NTN1: variants seen among roughly 807,000 people sequenced by gnomAD.
NTN1 encodes netrin 1.
Under a neutral mutation model 54.2 loss-of-function variants are expected in NTN1, and 11 were observed. The ratio of observed to expected loss-of-function variants is 0.20; its 90% CI spans 0.13 to 0.34. NTN1 has a LOEUF of 0.34. NTN1 is among the 10% of genes least tolerant of loss of function. The probability of loss-of-function intolerance (pLI) is 1.00; values close to 1 mark genes in which losing one functional copy is unlikely to be tolerated. For synonymous variants in NTN1, 371 were observed against 382.0 expected (o/e 0.97, Z 0.33); for missense variants, 740 against 893.1 (o/e 0.83, Z 2.18).
chr17:9,208,373 T>C (rs903010460), intron 5 of NTN1, among the ~76,000 whole-genome samples: 1 of 152,186 alleles, frequency 6.6e-6, no homozygotes, highest in Non-Finnish European at 1.5e-5. Context: ...GCAGCTTTGG[T>C]GTCTCACAGA....
intron 2 of NTN1, among the ~76,000 whole-genome samples, chr17:9,118,411 G>A (rs955918588): frequency 6.6e-5 from 10 of 152,112 alleles, no homozygotes; most frequent in East Asian, 1.9e-4. Context: ...CCAGCTATCC[G>A]GGAGGCTGAG....
intron 6 of NTN1, among the ~76,000 whole-genome samples, chr17:9,230,220 T>C (rs573590701): frequency 5.0e-4 from 76 of 152,220 alleles, no homozygotes; most frequent in African/African-American, 1.5e-3. Context: ...GCAGAGATGT[T>C]AGAGGAGCAC....
At chr17:9,011,275 G>C in the NTN1 span, among the ~76,000 whole-genome samples, 1 of 152,162 alleles carries the variant, frequency 6.6e-6, no homozygotes, top group East Asian at 1.9e-4. Context: ...TCCTGGTCTG[G>C]GGGTTAGGGA....
chr17:9,110,931 CT>C (rs34319949), intron 2 of NTN1, among the ~76,000 whole-genome samples: 16,619 of 103,872 alleles, frequency 0.16, 772 homozygotes, highest in African/African-American at 0.29. Flanking sequence ...AATTCAGGAT[CT>C]TTTTTTTTTT....
intron 2 of NTN1, among the ~76,000 whole-genome samples, chr17:9,056,914 G>A (rs1003455063): frequency 5.9e-5 from 9 of 152,170 alleles, no homozygotes; most frequent in Non-Finnish European, 1.3e-4. Context: ...AGATAGTAAA[G>A]ACAACGCCTT....
chr17:9,093,966 CCT>C (rs1327160976), intron 2 of NTN1, among the ~76,000 whole-genome samples: 1 of 151,678 alleles, frequency 6.6e-6, no homozygotes. Context: ...AGAGCGAGAC[CCT>C]GTCTCAAAAA....
At chr17:9,138,549 T>A (rs7206923) in intron 2 of NTN1, among the ~76,000 whole-genome samples, 2,242 of 152,258 alleles carry the variant, frequency 0.015, 57 homozygotes, top group African/African-American at 0.05. Flanking sequence ...GGATGGGAGA[T>A]GGAAGCCAGA....
chr17:9,049,362 T>A (rs2091952168), intron 2 of NTN1, among the ~76,000 whole-genome samples: 1 of 151,948 alleles, frequency 6.6e-6, no homozygotes. Flanking sequence ...AACCAACTGA[T>A]CAGAATTAAC....
intron 6 of NTN1, among the ~76,000 whole-genome samples, chr17:9,231,030 G>A (rs1905791627): frequency 6.6e-6 from 1 of 152,142 alleles, no homozygotes; most frequent in African/African-American, 2.4e-5. Flanking sequence ...CACCAGGCGG[G>A]AAAGGCTAGT....
chr17:9,013,220 T>TTC, the NTN1 span, among the ~76,000 whole-genome samples: 2 of 146,028 alleles, frequency 1.4e-5, no homozygotes, highest in African/African-American at 5.2e-5. Context: ...CTTTTTCTTT[T>TTC]TTTTTTTTTT....
At chr17:9,065,354 G>T (rs892038270) in intron 2 of NTN1, among the ~76,000 whole-genome samples, 6 of 152,078 alleles carry the variant, frequency 3.9e-5, no homozygotes, top group Non-Finnish European at 7.4e-5. Context: ...CTGGTTTCCT[G>T]CCCACACTGT....
At chr17:9,157,375 TG>T (rs1567724234) in intron 2 of NTN1, among the ~76,000 whole-genome samples, 2 of 152,082 alleles carry the variant, frequency 1.3e-5, no homozygotes, top group African/African-American at 2.4e-5. Flanking sequence ...TGACCTGACC[TG>T]GGGAGTGGGA....
intron 2 of NTN1, among the ~76,000 whole-genome samples, chr17:9,024,549 AAC>A (rs1229233825): frequency 2.0e-5 from 3 of 152,322 alleles, no homozygotes; most frequent in Non-Finnish European, 2.9e-5. Context: ...GGTCCCCACA[AAC>A]ACACGTTTTG....
chr17:9,147,346 A>C (rs1360794553), intron 2 of NTN1, among the ~76,000 whole-genome samples: 1 of 152,206 alleles, frequency 6.6e-6, no homozygotes, highest in Non-Finnish European at 1.5e-5. Context: ...TCTACTAAAA[A>C]TACAAAATAA....
chr17:9,105,660 T>TTCTCTCTCTCTCTCTC (rs72039051), intron 2 of NTN1, among the ~76,000 whole-genome samples: 1 of 142,000 alleles, frequency 7.0e-6, no homozygotes, highest in Non-Finnish European at 1.6e-5. Flanking sequence ...CTCTCTCTCT[T>TTCTCTCTCTCTCTCTC]TCTCTCTCTC....
At chr17:9,100,329 G>A (rs9989462) in intron 2 of NTN1, among the ~76,000 whole-genome samples, 80,876 of 151,790 alleles carry the variant, frequency 0.53, 22,294 homozygotes, top group East Asian at 0.96. Context: ...ACAGAGTCTC[G>A]CGCTGTTGCC....
intron 5 of NTN1, among the ~76,000 whole-genome samples, chr17:9,189,508 C>T (rs547894239): frequency 2.3e-4 from 35 of 152,194 alleles, no homozygotes; most frequent in Non-Finnish European, 2.6e-4. Flanking sequence ...CGTGCCACTA[C>T]GCCTGGCTAA....
At chr17:9,207,309 A>G (rs1177151782) in intron 5 of NTN1, among the ~76,000 whole-genome samples, 1 of 152,214 alleles carries the variant, frequency 6.6e-6, no homozygotes, top group Non-Finnish European at 1.5e-5. Flanking sequence ...TGAATCAAGG[A>G]CATACTTGAG....
At chr17:9,123,374 T>C (rs995036179) in intron 2 of NTN1, among the ~76,000 whole-genome samples, 2 of 152,244 alleles carry the variant, frequency 1.3e-5, no homozygotes, top group African/African-American at 4.8e-5. Flanking sequence ...ACTCCTTACA[T>C]ATGAAAGATA....
Sources: allele counts gnomAD v4.1 joint callset (sites outside exome capture counted in the v4.1 genomes callset), GRCh38; gene constraint gnomAD v4.1.1; transcripts MANE v1.5; gene names NCBI Gene and HGNC (gene_info 2026-07-23, HGNC 2026-07-21).